HIP1: variants seen among roughly 807,000 people sequenced by gnomAD.
HIP1 encodes huntingtin-interacting protein 1.
HIP1 carries 65 observed loss-of-function variants against 147.6 expected under a neutral mutation model. The observed-to-expected ratio is 0.44, with a 90% confidence interval of 0.36 to 0.54. HIP1 has a LOEUF of 0.54. Among genes scored for constraint, HIP1 ranks in the 20% least tolerant of loss-of-function variants. The pLI is 0.00. For synonymous variants in HIP1, 479 were observed against 504.0 expected, an observed-to-expected ratio of 0.95 and a Z score of 0.67; for missense variants, 1,061 against 1,299.6, an observed-to-expected ratio of 0.82 and a Z score of 2.82.
chr7:75,685,942 C>A (rs1356304571), intron 1 of HIP1, among the ~76,000 whole-genome samples: 1 of 152,022 alleles, frequency 6.6e-6, no homozygotes, highest in Non-Finnish European at 1.5e-5. Context: ...GTCGCCTAGG[C>A]TGGAGTACAG....
chr7:75,573,548 C>T (rs1053378041), intron 8 of HIP1, among the ~76,000 whole-genome samples: 1 of 152,170 alleles, frequency 6.6e-6, no homozygotes, highest in Non-Finnish European at 1.5e-5. Flanking sequence ...CACTGGGACG[C>T]AAGAGTGGCA....
chr7:75,657,545 CAATTAAATT>C (rs1320338224), intron 1 of HIP1, among the ~76,000 whole-genome samples: 1 of 145,796 alleles, frequency 6.9e-6, no homozygotes, highest in African/African-American at 2.5e-5. Context: ...AAAAAAAAAG[CAATTAAATT>C]TAAAAAAAAG....
intron 1 of HIP1, among the ~76,000 whole-genome samples, chr7:75,640,968 ACT>A (rs1300443735): frequency 2.0e-5 from 3 of 151,246 alleles, no homozygotes; most frequent in Non-Finnish European, 4.4e-5. Context: ...TGAAATTGGG[ACT>A]CTATCTGCCT....
intron 1 of HIP1, among the ~76,000 whole-genome samples, chr7:75,609,837 A>C (rs1797362362): frequency 6.7e-6 from 1 of 149,166 alleles, no homozygotes; most frequent in East Asian, 2.0e-4. Flanking sequence ...TTTTTTTAAG[A>C]CTTAACCAAG....
At position 75,599,208 on chromosome 7, in the gene HIP1, C is replaced by A; in HGVS notation, c.160G>T (p.Ala54Ser). 6.2e-7 allele frequency: 1 copy of A among 1,613,376 alleles called. No homozygotes were observed. The highest frequency in any genetic ancestry group is 8.5e-7 in the Non-Finnish European group (1 of 1,179,302). Residue 54 changes from alanine (A) to serine (S), a missense_variant, in exon 2 of 31, where the codon GCT (alanine) becomes TCT (serine). Ala to Ser is a moderately conservative substitution (Grantham distance 99). Around this residue, in one of 3 missense-constraint regions of HIP1, gnomAD observed 225 missense variants for 292.9 expected, o/e 0.77. Coordinates refer to ENST00000336926, the MANE Select transcript of HIP1 (RefSeq NM_005338.7). ...INKAINTQEVAVKEKHARTCI... is the reference protein window; with the variant it reads ...INKAINTQEVSVKEKHARTCI... ...TTTCTGGCGTGTTTTTCCTTTACAG[C>A]CACTTCCTGCGTATTAATGGCCTTA... is the stretch of plus-strand genomic sequence containing the variant.
At position 75,716,831 on chromosome 7, in the gene HIP1, G is replaced by C. The variant is rs574999932; in HGVS notation, c.120+21970C>G. Among the ~76,000 whole-genome samples the C allele has an allele frequency of 1.2e-4, 16 of 136,954 alleles. No individual in the cohort carries two copies. In the South Asian group the frequency reaches 1.4e-3, roughly 12 times the overall value. 89.8% of individuals were successfully genotyped at this position (136,954 alleles called of 152,430 possible). The stretch of plus-strand genomic sequence containing the variant: ...ACCACGCCCAGCTTTTTTTTAGGGG[G>C]GGGGAAAGGATCTCACTCTGTCACT... On this transcript the variant is annotated intron_variant, in intron 1 of 30. Transcript: ENST00000336926.
chr7:75,572,655 A>T (rs770120597), intron 8 of HIP1, among the ~76,000 whole-genome samples: 33 of 152,152 alleles, frequency 2.2e-4, no homozygotes, highest in Non-Finnish European at 4.3e-4. Flanking sequence ...CAGAAGCCTC[A>T]CCCTGCTGGA....
chr7:75,669,375 A>AAAAAC (rs1198616808), intron 1 of HIP1, among the ~76,000 whole-genome samples: 1 of 151,796 alleles, frequency 6.6e-6, no homozygotes, highest in Non-Finnish European at 1.5e-5. Context: ...TCCATCTCAA[A>AAAAAC]AAAACAAAAC....
chr7:75,632,058 C>T (rs1798242520), intron 1 of HIP1, among the ~76,000 whole-genome samples: 1 of 152,152 alleles, frequency 6.6e-6, no homozygotes, highest in South Asian at 2.1e-4. Context: ...AAGACAGGTG[C>T]TCGTAGGACA....
intron 1 of HIP1, among the ~76,000 whole-genome samples, chr7:75,638,689 G>C (rs1273432932): frequency 1.3e-5 from 2 of 152,208 alleles, no homozygotes; most frequent in Non-Finnish European, 2.9e-5. Flanking sequence ...TAGGTGTGCG[G>C]GCAGGGGGCT....
At chr7:75,720,126 G>A (rs895147119) in intron 1 of HIP1, among the ~76,000 whole-genome samples, 4 of 147,922 alleles carry the variant, frequency 2.7e-5, no homozygotes, top group African/African-American at 7.4e-5. Context: ...CTGGCTACAG[G>A]TTTCAAGTTT....
At chr7:75,647,776 C>A (rs911006461) in intron 1 of HIP1, among the ~76,000 whole-genome samples, 1 of 152,222 alleles carries the variant, frequency 6.6e-6, no homozygotes, top group Non-Finnish European at 1.5e-5. Context: ...TAGGGAGGCA[C>A]CATGCACTTG....
At chr7:75,544,246 C>T (rs1381784931) in intron 27 of HIP1, among the ~76,000 whole-genome samples, 3 of 151,024 alleles carry the variant, frequency 2.0e-5, no homozygotes, top group East Asian at 1.9e-4. Flanking sequence ...TATTTGGAAT[C>T]GAATCCACCT....
rs1231263145 is a variant in HIP1 at position 75,664,166 on chromosome 7, A to G, written c.121-64919T>C. Reference sequence around the variant, plus strand: ...TACATACATGTATGTGTGTATATTTACATACATATATGTACATACATATAT... The same window carrying G: ...TACATACATGTATGTGTGTATATTTGCATACATATATGTACATACATATAT... On this transcript the variant is annotated intron_variant, in intron 1 of 30. Transcript: ENST00000336926. 7.8e-5 allele frequency among the ~76,000 whole-genome samples: 4 copies of G among 51,588 alleles called. 2 individuals are homozygous for G. The highest frequency in any genetic ancestry group is 5.2e-4 in the African/African-American group (4 of 7,698). 33.8% of individuals were successfully genotyped at this position (51,588 alleles called of 152,430 possible).
chr7:75,567,162 T>G (rs1795437381), intron 9 of HIP1, among the ~76,000 whole-genome samples: 1 of 148,946 alleles, frequency 6.7e-6, no homozygotes, highest in Non-Finnish European at 1.5e-5. Context: ...GAGAGAAAGG[T>G]TTTTTTTTGT....
chr7:75,677,073 TA>T (rs781796277), intron 1 of HIP1, among the ~76,000 whole-genome samples: 4 of 151,194 alleles, frequency 2.6e-5, no homozygotes, highest in Admixed American at 6.6e-5. Flanking sequence ...TGCATGCCTG[TA>T]ATCCTAGCTA....
intron 19 of HIP1, 131 bp downstream of exon 19, chr7:75,555,285 C>A: frequency 1.1e-6 from 1 of 932,178 alleles, no homozygotes; most frequent in Non-Finnish European, 1.6e-6. Flanking sequence ...GGGGCCTGGG[C>A]GCCCCTAAGG....
intron 2 of HIP1, 84 bp downstream of exon 2, chr7:75,599,100 A>G (rs1249764382): frequency 1.1e-5 from 11 of 1,029,188 alleles, no homozygotes; most frequent in Middle Eastern, 2.1e-4. Context: ...CCTGGAGCTG[A>G]GCAAGGCAGC....
chr7:75,643,994 TG>T (rs1475827196), intron 1 of HIP1, among the ~76,000 whole-genome samples: 8 of 151,690 alleles, frequency 5.3e-5, no homozygotes, highest in Non-Finnish European at 8.8e-5. Context: ...AGTAAGACTC[TG>T]TCTCAAACAA....
Sources: gnomAD v4.1 joint callset for allele counts (sites outside exome capture counted in the v4.1 genomes callset) on GRCh38, gnomAD v4.1.1 for gene constraint, gnomAD v4.1.1 regional missense constraint, MANE v1.5 for transcripts, NCBI Gene and HGNC (gene_info 2026-07-23, HGNC 2026-07-21) for gene names.